The following ADGRG4 variants were observed in gnomAD, a reference collection of about 807,000 sequenced individuals.
ADGRG4 encodes G protein-coupled receptor 112.
In ADGRG4, 122 loss-of-function variants were observed where a neutral mutation model predicts 126.2. The ratio of observed to expected loss-of-function variants is 0.97; its 90% CI spans 0.83 to 1.12. The LOEUF (loss-of-function observed/expected upper bound fraction) is 1.12. ADGRG4 is among the 50% of genes most tolerant of loss of function. The pLI, the probability that ADGRG4 is intolerant of heterozygous loss-of-function variation, is 0.00. For missense variants in ADGRG4, 2,481 were observed against 2,251.8 expected (o/e 1.10, Z -2.06); for synonymous variants, 943 against 838.7 (o/e 1.12, Z -2.15).
intron 4 of ADGRG4, among the ~76,000 whole-genome samples, chrX:136,317,939 G>A (rs984156473): frequency 1.8e-5 from 2 of 112,134 alleles, no homozygotes; most frequent in Non-Finnish European, 3.8e-5. Context: ...ATACATTGCT[G>A]GTAGGAATAT....
chrX:136,349,061 A>T lies in ADGRG4; in HGVS notation c.5355A>T (p.Lys1785Asn), dbSNP rs1228464682. Reference protein sequence around the residue: ...KSASGPTKNVKTTTNCFSSNT... With the variant: ...KSASGPTKNVNTTTNCFSSNT... ...CTTCTGGACCCACAAAAAATGTTAA[A>T]ACAACCACCAATTGCTTTTCTTCTA... The change falls in exon 6 of 26, where the codon AAA (lysine) becomes AAT (asparagine). Residue 1785 changes from lysine (K) to asparagine (N), a missense_variant. Physicochemically the swap from Lys to Asn is moderately conservative, Grantham distance 94. Transcript: ENST00000394143. The T allele has an allele frequency of 8.3e-7, 1 of 1,206,524 alleles. No individual in the cohort carries two copies. Among genetic ancestry groups the T allele is most frequent in the African/African-American group, 1.7e-5 (1 of 57,497 alleles).
Position 136,353,352 on chromosome X carries a change from C to T in ADGRG4, c.6838C>T (p.Gln2280Ter). 8.4e-7 allele frequency: 1 copy of T among 1,189,022 alleles called. No individual in the cohort carries two copies. Among genetic ancestry groups the T allele is most frequent in the Non-Finnish European group, 1.1e-6 (1 of 875,883 alleles). ...FTENSLNSIF[Q>*]NSEFSLATLE... ...TCTTGTACAGTTGAATTCTATATTT[C>T]AGAACAGTGAATTTTCTCTTGCTAC... Residue 2280 changes from glutamine to a stop codon, truncating the protein, a stop_gained, in exon 8 of 26, where the codon CAG becomes TAG. Transcript: ENST00000394143. LOFTEE classifies it high-confidence loss of function.
In ADGRG4 at chrX:136,349,423, A is replaced by G. The variant is rs771200785; in HGVS notation, c.5717A>G (p.Glu1906Gly). 1 of 1,204,621 alleles carries G rather than the reference A, an allele frequency of 8.3e-7. No individual in the cohort carries two copies. Among genetic ancestry groups the G allele is most frequent in the South Asian group, 1.8e-5 (1 of 56,703 alleles). The change falls in exon 6 of 26, where the codon GAG (glutamate) becomes GGG (glycine). Residue 1906 changes from glutamate (E) to glycine (G), a missense_variant. Transcript: ENST00000394143. ...ACTATTAATGTACCTACATCCAATG[A>G]GATGGAAACAGAGACTCTACACCTT... ...STTINVPTSN[E>G]METETLHLVP...
At chrX:136,393,050 C>T (rs2075327876) in intron 17 of ADGRG4, among the ~76,000 whole-genome samples, 1 of 111,880 alleles carries the variant, frequency 8.9e-6, no homozygotes, top group Non-Finnish European at 1.9e-5. Context: ...TCAATTATCC[C>T]CGGTAACTAA....
At position 136,346,434 on chromosome X, in the gene ADGRG4, T is replaced by C; in HGVS notation, c.2728T>C (p.Trp910Arg). ...TGCAACAACTGAGGTGAGAGAAAGT[T>C]GGCTTTTGACAAAATTGGTGAAAAC... Reference protein sequence around the residue: ...KTATTEVRESWLLTKLVKTTP... With the variant: ...KTATTEVRESRLLTKLVKTTP... The change falls in exon 6 of 26, where the codon TGG (tryptophan) becomes CGG (arginine). Residue 910 changes from tryptophan (W) to arginine (R), a missense_variant. By Grantham distance (101) the Trp-to-Arg change is moderately radical. Transcript: ENST00000394143. 1.7e-6 allele frequency: 2 copies of C among 1,211,440 alleles called. No homozygotes were observed. Among genetic ancestry groups the C allele is most frequent in the Non-Finnish European group, 2.2e-6 (2 of 895,204 alleles).
At chrX:136,396,838 G>A (rs1033694032) in intron 19 of ADGRG4, among the ~76,000 whole-genome samples, 3 of 106,545 alleles carry the variant, frequency 2.8e-5, no homozygotes, top group African/African-American at 1.0e-4. Flanking sequence ...CACCAGGCTG[G>A]AGTGCAGTGG....
chrX:136,354,256 A>G (rs1033823170), intron 8 of ADGRG4, among the ~76,000 whole-genome samples: 1 of 111,846 alleles, frequency 8.9e-6, no homozygotes, highest in Non-Finnish European at 1.9e-5. Flanking sequence ...CAAAAATGCT[A>G]TAGACTAGGT....
At chrX:136,338,390 C>A (rs1470689994) in intron 5 of ADGRG4, among the ~76,000 whole-genome samples, 1 of 110,794 alleles carries the variant, frequency 9.0e-6, no homozygotes, top group Non-Finnish European at 1.9e-5. Flanking sequence ...TTCAGATGAT[C>A]CGTCTTCCTT....
intron 7 of ADGRG4, 149 bp from the exon 8 acceptor site, chrX:136,353,188 G>A (rs1039671300): frequency 8.0e-5 from 37 of 461,832 alleles, no homozygotes; most frequent in Non-Finnish European, 1.3e-4. Context: ...CAGGTAAAAC[G>A]TAAATGGAAA....
intron 14 of ADGRG4, 89 bp from the exon 15 acceptor site, chrX:136,372,813 A>G: frequency 3.4e-6 from 3 of 894,274 alleles, no homozygotes; most frequent in Non-Finnish European, 4.9e-6. Flanking sequence ...AAACTCAAAG[A>G]AAAGTCTTGC....
chrX:136,343,711 A>C (rs2074993407), intron 5 of ADGRG4, among the ~76,000 whole-genome samples: 1 of 112,326 alleles, frequency 8.9e-6, no homozygotes, highest in Non-Finnish European at 1.9e-5. Flanking sequence ...GACTGATAGA[A>C]GTTTGACCAA....
At chrX:136,315,990 G>A (rs1477180658) in intron 4 of ADGRG4, among the ~76,000 whole-genome samples, 1 of 112,008 alleles carries the variant, frequency 8.9e-6, no homozygotes, top group Admixed American at 9.5e-5. Context: ...CCTTGACCTT[G>A]GACTTCTAGC....
chrX:136,322,803 G>C lies in ADGRG4; in HGVS notation c.96G>C (p.Lys32Asn). 1 of 1,189,571 alleles carries C rather than the reference G, an allele frequency of 8.4e-7. No individual in the cohort carries two copies. The highest frequency in any genetic ancestry group is 1.1e-6 in the Non-Finnish European group (1 of 884,123). ...LSDTLSLKGKKLDFFGRGDTY... is the reference protein window; with the variant it reads ...LSDTLSLKGKNLDFFGRGDTY... ...ATACACTTTCACTAAAAGGAAAAAA[G>C]CTGGATTTTTTTGGAAGAGGTGACA... Residue 32 changes from lysine (K) to asparagine (N), a missense_variant, in exon 5 of 26, where the codon AAG (lysine) becomes AAC (asparagine). By Grantham distance (94) the Lys-to-Asn change is moderately conservative. Coordinates refer to ENST00000394143, the MANE Select transcript of ADGRG4 (RefSeq NM_153834.4).
chrX:136,343,110 G>A (rs775241703), intron 5 of ADGRG4, among the ~76,000 whole-genome samples: 4 of 109,924 alleles, frequency 3.6e-5, no homozygotes, highest in Non-Finnish European at 7.6e-5. Context: ...ATAAACTGGG[G>A]TGAGCCAAGA....
chrX:136,374,161 A>G (rs2075211521), intron 15 of ADGRG4, among the ~76,000 whole-genome samples: 1 of 4,499 alleles, frequency 2.2e-4, no homozygotes, highest in Admixed American at 2.5e-3. Flanking sequence ...TTCATGTAGC[A>G]TAATTTTTTT....
intron 25 of ADGRG4, among the ~76,000 whole-genome samples, chrX:136,415,162 T>G (rs946982369): frequency 8.9e-6 from 1 of 112,140 alleles, no homozygotes; most frequent in African/African-American, 3.2e-5. Flanking sequence ...TTTGGTGGCC[T>G]GGCTGTAGTC....
chrX:136,312,070 T>C (rs1247909632), intron 4 of ADGRG4, among the ~76,000 whole-genome samples: 1 of 111,508 alleles, frequency 9.0e-6, no homozygotes, highest in African/African-American at 3.3e-5. Context: ...ACTAAATTTC[T>C]GTATGAATTC....
chrX:136,403,186 G>A (rs770396390), intron 21 of ADGRG4, 58 bp from the exon 22 acceptor site: 1 of 882,085 alleles, frequency 1.1e-6, no homozygotes, highest in Non-Finnish European at 1.7e-6. Context: ...CACAGTCATT[G>A]ATTAGGTTGC....
intron 23 of ADGRG4, among the ~76,000 whole-genome samples, chrX:136,410,830 C>T (rs762060001): frequency 8.1e-5 from 9 of 111,133 alleles, no homozygotes; most frequent in African/African-American, 2.6e-4. Flanking sequence ...GGGAAATAGA[C>T]GAATAATTGT....
Sources: gnomAD v4.1 joint callset for allele counts (sites outside exome capture counted in the v4.1 genomes callset) on GRCh38, gnomAD v4.1.1 for gene constraint, MANE v1.5 for transcripts, NCBI Gene and HGNC (gene_info 2026-07-23, HGNC 2026-07-21) for gene names.